KIF6: variants seen among roughly 807,000 people sequenced by gnomAD.
The protein encoded by KIF6 is kinesin-like protein KIF6.
In KIF6, 106 loss-of-function variants were observed where a neutral mutation model predicts 112.7. The ratio of observed to expected loss-of-function variants is 0.94; its 90% CI spans 0.80 to 1.11. KIF6 has a LOEUF of 1.11. KIF6 is among the 50% of genes least tolerant of loss of function. KIF6 has a pLI of 0.00. For synonymous variants in KIF6, 339 were observed against 339.9 expected (o/e 1.00, Z 0.03); for missense variants, 929 against 964.0 (o/e 0.96, Z 0.48).
intron 2 of KIF6, among the ~76,000 whole-genome samples, chr6:39,720,370 G>A (rs1409049297): frequency 6.6e-6 from 1 of 152,086 alleles, no homozygotes; most frequent in East Asian, 1.9e-4. Context: ...GATACTGTAA[G>A]TTCTTACCGT....
At chr6:39,423,210 C>T (rs963586920) in intron 14 of KIF6, among the ~76,000 whole-genome samples, 1 of 152,134 alleles carries the variant, frequency 6.6e-6, no homozygotes, top group Admixed American at 6.5e-5. Context: ...AGAAGGAATG[C>T]GATGCTCTGC....
rs903507934 is a variant in KIF6 at position 39,378,024 on chromosome 6, C to CT, written c.1861+7597dup. Among the ~76,000 whole-genome samples, 2 of 152,094 alleles carry CT rather than the reference C, an allele frequency of 1.3e-5. No homozygotes were observed. The highest frequency in any genetic ancestry group is 4.8e-5 in the African/African-American group (2 of 41,384). On this transcript the variant is annotated intron_variant, in intron 16 of 22. Coordinates refer to ENST00000287152, the MANE Select transcript of KIF6 (RefSeq NM_145027.6). This position sits in a 1 kb window ranked among gnomAD's most constrained non-coding sequence, Gnocchi z 5.0. ...GTTGATCTTAAGTTTAAGATATTTT[C>CT]TTTTTTTAATTAATACTATCAGTAT...
At chr6:39,618,347 G>A (rs1398156768) in intron 5 of KIF6, among the ~76,000 whole-genome samples, 3 of 152,130 alleles carry the variant, frequency 2.0e-5, no homozygotes, top group Non-Finnish European at 2.9e-5. Context: ...CATGACATTC[G>A]TAAACTAAAA....
At chr6:39,394,233 C>T (rs540362081) in intron 15 of KIF6, among the ~76,000 whole-genome samples, 5 of 152,162 alleles carry the variant, frequency 3.3e-5, no homozygotes, top group South Asian at 2.1e-4. Context: ...GCATGATTTA[C>T]GATTCACATA....
intron 4 of KIF6, among the ~76,000 whole-genome samples, chr6:39,635,533 TGCCAATA>T (rs2150759950): frequency 6.6e-6 from 1 of 152,226 alleles, no homozygotes; most frequent in East Asian, 1.9e-4. Context: ...AATAGTTCAC[TGCCAATA>T]CCTCACCTGT....
rs987696959 is a variant in KIF6, at chr6:39,475,289, C to T, written c.1646-44128G>A. ...CACAATGAACACAGATGTATTAAATCGACTGTTAAATGCTGAACATATGTC... is the reference window on the plus strand; with the variant it reads ...CACAATGAACACAGATGTATTAAATTGACTGTTAAATGCTGAACATATGTC... On this transcript the variant is annotated intron_variant, in intron 13 of 22. Transcript: ENST00000287152. 1.8e-4 allele frequency among the ~76,000 whole-genome samples: 28 copies of T among 152,282 alleles called. 2 individuals carry two copies. In the East Asian group the frequency reaches 5.2e-3, roughly 28 times the overall value.
chr6:39,362,381 C>T lies in KIF6; in HGVS notation c.1946+53G>A. The T allele has an allele frequency of 1.4e-6, 2 of 1,401,238 alleles. 1 individual carries two copies. Among genetic ancestry groups the T allele is most frequent in the South Asian group, 2.3e-5 (2 of 86,772 alleles). 86.8% of individuals were successfully genotyped at this position (1,401,238 alleles called of 1,614,324 possible). The stretch of plus-strand genomic sequence containing the variant: ...AGCCCTGGGAAGCTCCAGGACGACA[C>T]TGAGACCCTGGGAGGCTGGGCTCGG... On this transcript the variant is annotated intron_variant, in intron 17 of 22. Transcript: ENST00000287152.
chr6:39,424,609 C>G (rs1174647705), intron 14 of KIF6, among the ~76,000 whole-genome samples: 1 of 152,226 alleles, frequency 6.6e-6, no homozygotes, highest in African/African-American at 2.4e-5. Flanking sequence ...CCTACCTCAC[C>G]TCTTAGCGAC....
chr6:39,337,018 C>CCCTT (rs199990897), intron 22 of KIF6, among the ~76,000 whole-genome samples: 2 of 136,650 alleles, frequency 1.5e-5, no homozygotes, highest in African/African-American at 5.5e-5. Flanking sequence ...CTCCCTCCCT[C>CCCTT]CCTTCCTTCC....
chr6:39,606,398 A>T (rs1782890817), intron 6 of KIF6, among the ~76,000 whole-genome samples: 1 of 152,096 alleles, frequency 6.6e-6, no homozygotes, highest in Non-Finnish European at 1.5e-5. Context: ...CTTCAGATGT[A>T]TGTTCCTTAG....
At chr6:39,609,124 G>T (rs957735046) in intron 6 of KIF6, among the ~76,000 whole-genome samples, 1 of 152,132 alleles carries the variant, frequency 6.6e-6, no homozygotes, top group Non-Finnish European at 1.5e-5. Context: ...TAGAAAAGAA[G>T]GTCTCCAAAG....
intron 21 of KIF6, 49 bp downstream of exon 21, chr6:39,345,651 C>A: frequency 6.7e-7 from 1 of 1,499,948 alleles, no homozygotes; most frequent in Non-Finnish European, 9.2e-7. Flanking sequence ...GAGGCCCACT[C>A]CGCCCACTGC....
At chr6:39,534,264 G>A (rs1415540982) in intron 13 of KIF6, among the ~76,000 whole-genome samples, 5 of 152,162 alleles carry the variant, frequency 3.3e-5, no homozygotes, top group African/African-American at 9.7e-5. Context: ...AAACTACTCT[G>A]AGCTACAGGA....
chr6:39,368,416 C>G (rs894952600), intron 16 of KIF6, among the ~76,000 whole-genome samples: 2 of 152,118 alleles, frequency 1.3e-5, no homozygotes, highest in African/African-American at 2.4e-5. Flanking sequence ...TGGCTCTGTC[C>G]GATTTCAAAG....
At chr6:39,436,685 G>T (rs2150389510) in intron 13 of KIF6, among the ~76,000 whole-genome samples, 1 of 152,132 alleles carries the variant, frequency 6.6e-6, no homozygotes, top group South Asian at 2.1e-4. Flanking sequence ...GTAAATATTT[G>T]CTTTATTTCT....
chr6:39,712,425 G>A (rs987618640), intron 3 of KIF6, among the ~76,000 whole-genome samples: 1 of 152,052 alleles, frequency 6.6e-6, no homozygotes, highest in African/African-American at 2.4e-5. Context: ...TGAGCTGCTT[G>A]GATAAAAGTG....
intron 10 of KIF6, among the ~76,000 whole-genome samples, chr6:39,568,464 G>C (rs901720112): frequency 2.0e-5 from 3 of 152,134 alleles, no homozygotes; most frequent in Non-Finnish European, 4.4e-5. Flanking sequence ...TGAATAGTGA[G>C]GTGTGGTTAA....
At chr6:39,545,477 T>G in intron 11 of KIF6, 106 bp downstream of exon 11, 1 of 681,768 alleles carries the variant, frequency 1.5e-6, no homozygotes, top group Non-Finnish European at 2.6e-6. Flanking sequence ...TTTCTGGACA[T>G]GCAATGCTGG....
chr6:39,603,053 C>CA (rs773668657), intron 6 of KIF6, among the ~76,000 whole-genome samples: 10 of 152,096 alleles, frequency 6.6e-5, no homozygotes, highest in Admixed American at 2.0e-4. Context: ...CCATTTGGAA[C>CA]ATTGTTTAAA....
Sources: allele counts gnomAD v4.1 joint callset (sites outside exome capture counted in the v4.1 genomes callset), GRCh38; gene constraint gnomAD v4.1.1; non-coding constraint Gnocchi (gnomAD v3.1); transcripts MANE v1.5; gene names NCBI Gene and HGNC (gene_info 2026-07-23, HGNC 2026-07-21).